Variants in TEAD1 observed in about 807,000 individuals in gnomAD.
TEAD1 encodes the protein TEA domain transcription factor 1.
TEAD1 carries 9 observed loss-of-function variants against 54.9 expected under a neutral mutation model. The observed-to-expected ratio is 0.16, with a 90% CI of 0.10 to 0.29. The LOEUF is 0.29. Among genes scored for constraint, TEAD1 ranks in the 10% least tolerant of loss-of-function variants. The probability of loss-of-function intolerance (pLI) is 1.00; values close to 1 mark genes in which losing one functional copy is unlikely to be tolerated. For missense variants in TEAD1, 387 were observed against 535.9 expected, an observed-to-expected ratio of 0.72 and a Z score of 2.74; for synonymous variants, 200 against 187.8, an observed-to-expected ratio of 1.07 and a Z score of -0.53.
intron 10 of TEAD1, among the ~76,000 whole-genome samples, chr11:12,914,960 C>G (rs973199581): frequency 2.6e-5 from 4 of 152,250 alleles, no homozygotes; most frequent in African/African-American, 4.8e-5. Context: ...TTGATCATTG[C>G]TCGGAGAGGA....
intron 12 of TEAD1, among the ~76,000 whole-genome samples, chr11:12,935,330 C>T (rs1590004765): frequency 1.3e-5 from 2 of 151,958 alleles, no homozygotes; most frequent in African/African-American, 4.8e-5. Context: ...TCCTAGAGGT[C>T]GTATGATATC....
At chr11:12,862,448 G>T in intron 4 of TEAD1, 134 bp downstream of exon 4, 1 of 759,414 alleles carries the variant, frequency 1.3e-6, no homozygotes, top group Non-Finnish European at 2.3e-6. Flanking sequence ...AGTGTTGGAG[G>T]TATTTTAAAT....
chr11:12,866,325 G>A (rs1947616040), intron 5 of TEAD1, among the ~76,000 whole-genome samples: 1 of 152,162 alleles, frequency 6.6e-6, no homozygotes, highest in African/African-American at 2.4e-5. Flanking sequence ...GTGATGATAT[G>A]AATTGCTCTA....
At chr11:12,675,868 TA>T (rs1943074505) in intron 2 of TEAD1, among the ~76,000 whole-genome samples, 1 of 152,252 alleles carries the variant, frequency 6.6e-6, no homozygotes, top group Non-Finnish European at 1.5e-5. Flanking sequence ...TTGCCTTTTT[TA>T]AAAGATTTAT....
chr11:12,939,620 C>T lies in TEAD1; in HGVS notation c.*2398C>T, dbSNP rs1398716801. 1 of 152,280 alleles carries T rather than the reference C, an allele frequency of 6.6e-6. No individual in the cohort carries two copies. Among genetic ancestry groups the T allele is most frequent in the Non-Finnish European group, 1.5e-5 (1 of 68,086 alleles). 9.4% of individuals were successfully genotyped at this position (152,280 alleles called of 1,614,324 possible). A position where few individuals can be genotyped will look rare whatever the true frequency, so the allele number is the denominator to read the frequency against. The stretch of plus-strand genomic sequence containing the variant: ...GACCTCACAGGGTCAGCTGGGCCCC[C>T]CTGGTGCTTCACCACCTGCATCCTC... On this transcript the variant is annotated 3_prime_UTR_variant, in exon 13 of 13. Coordinates refer to ENST00000527636, the MANE Select transcript of TEAD1 (RefSeq NM_021961.6).
At chr11:12,745,072 A>G (rs926476564) in intron 2 of TEAD1, among the ~76,000 whole-genome samples, 16 of 152,218 alleles carry the variant, frequency 1.1e-4, no homozygotes, top group Admixed American at 2.6e-4. Context: ...CTGCAGAGAC[A>G]TGAACAGCTC....
At chr11:12,863,100 G>C (rs779239569) in intron 4 of TEAD1, among the ~76,000 whole-genome samples, 1 of 152,178 alleles carries the variant, frequency 6.6e-6, no homozygotes, top group African/African-American at 2.4e-5. Context: ...GTCGATTTAT[G>C]CTGAATGATA....
chr11:12,709,106 G>C (rs949724193), intron 2 of TEAD1, among the ~76,000 whole-genome samples: 1 of 152,218 alleles, frequency 6.6e-6, no homozygotes, highest in Non-Finnish European at 1.5e-5. Context: ...GGGAGGCCAA[G>C]TGGGGTGGAT....
chr11:12,793,494 A>G (rs1945849152), intron 3 of TEAD1, among the ~76,000 whole-genome samples: 1 of 152,166 alleles, frequency 6.6e-6, no homozygotes, highest in African/African-American at 2.4e-5. Context: ...AAATAATGGT[A>G]TATTTTATTA....
intron 9 of TEAD1, among the ~76,000 whole-genome samples, chr11:12,900,958 G>C (rs1208106080): frequency 6.6e-6 from 1 of 152,156 alleles, no homozygotes; most frequent in African/African-American, 2.4e-5. Context: ...CAGTGGGAGA[G>C]GCATGCCCGA....
In TEAD1 at chr11:12,908,883, G is replaced by GTTTTTGTTTTTTTTTTTT. The variant is rs769023879; in HGVS notation, c.873+6775_873+6776insGTTTTTTTTTTTTTTTTT. On this transcript the variant is annotated intron_variant, in intron 10 of 12. Coordinates refer to ENST00000527636, the MANE Select transcript of TEAD1 (RefSeq NM_021961.6). ...TATGTCAGTATACTTCAAATTATCT[G>GTTTTTGTTTTTTTTTTTT]TTTTTTTTTTTTTGAGACAGTGTTG... Among the ~76,000 whole-genome samples the GTTTTTGTTTTTTTTTTTT allele has an allele frequency of 1.1e-3, 105 of 99,636 alleles. 1 individual carries two copies. Among genetic ancestry groups the GTTTTTGTTTTTTTTTTTT allele is most frequent in the Non-Finnish European group, 2.0e-3 (85 of 43,296 alleles). The allele number at this position is 99,636 out of a possible 152,430, so 65.4% of individuals were successfully genotyped here.
intron 3 of TEAD1, among the ~76,000 whole-genome samples, chr11:12,793,440 T>C (rs904766058): frequency 1.3e-5 from 2 of 152,242 alleles, no homozygotes; most frequent in Non-Finnish European, 2.9e-5. Flanking sequence ...GTAGAAAATA[T>C]CTTATAGTTT....
At chr11:12,811,770 A>T (rs1946305618) in intron 3 of TEAD1, among the ~76,000 whole-genome samples, 1 of 138,216 alleles carries the variant, frequency 7.2e-6, no homozygotes, top group South Asian at 2.3e-4. Context: ...CCCACAGTGG[A>T]GTGGCCCCGA....
chr11:12,866,002 A>G (rs1189485459), intron 5 of TEAD1, among the ~76,000 whole-genome samples: 1 of 151,366 alleles, frequency 6.6e-6, no homozygotes, highest in Non-Finnish European at 1.5e-5. Context: ...ACTTTTTTTT[A>G]TGCAAACAAG....
intron 3 of TEAD1, among the ~76,000 whole-genome samples, chr11:12,835,476 ATTT>A (rs397971557): frequency 7.2e-6 from 1 of 139,728 alleles, no homozygotes; most frequent in African/African-American, 2.6e-5. Flanking sequence ...CACCCGGCTA[ATTT>A]TTTTTTTTTT....
intron 3 of TEAD1, among the ~76,000 whole-genome samples, chr11:12,768,256 A>C (rs531323156): frequency 6.6e-6 from 1 of 152,286 alleles, no homozygotes; most frequent in Middle Eastern, 3.4e-3. Flanking sequence ...AATTTCCTCA[A>C]CTGAAAAGGA....
chr11:12,758,405 G>GTTTTT (rs1200374096), intron 2 of TEAD1, among the ~76,000 whole-genome samples: 4 of 85,726 alleles, frequency 4.7e-5, no homozygotes, highest in Admixed American at 1.2e-4. Flanking sequence ...CGCCCAGCTA[G>GTTTTT]TTTTTTTTTT....
intron 1 of TEAD1, among the ~76,000 whole-genome samples, chr11:12,675,118 C>G (rs1475832149): frequency 6.8e-6 from 1 of 147,718 alleles, no homozygotes; most frequent in Admixed American, 6.7e-5. Flanking sequence ...CCGCGCCGCG[C>G]CCCCCGCGCG....
intron 2 of TEAD1, among the ~76,000 whole-genome samples, chr11:12,687,236 C>T (rs553734797): frequency 6.6e-6 from 1 of 152,186 alleles, no homozygotes; most frequent in Non-Finnish European, 1.5e-5. Flanking sequence ...ATGTGTGAGC[C>T]CTTAGGCAGA....
Sources: gnomAD v4.1 joint callset for allele counts (sites outside exome capture counted in the v4.1 genomes callset) on GRCh38, gnomAD v4.1.1 for gene constraint, MANE v1.5 for transcripts, NCBI Gene and HGNC (gene_info 2026-07-23, HGNC 2026-07-21) for gene names.